DCLRE1C: variants seen among roughly 807,000 people sequenced by gnomAD.
DCLRE1C encodes the protein protein artemis.
DCLRE1C carries 47 observed loss-of-function variants against 61.4 expected under a neutral mutation model. That is an observed-to-expected ratio of 0.77 (90% CI 0.61 to 0.98). The LOEUF is 0.98. Among genes scored for constraint, DCLRE1C ranks in the 50% least tolerant of loss-of-function variants. The pLI is 0.00. For missense variants in DCLRE1C, 858 were observed against 816.0 expected, an observed-to-expected ratio of 1.05 and a Z score of -0.63; for synonymous variants, 337 against 287.6, an observed-to-expected ratio of 1.17 and a Z score of -1.74.
At chr10:14,924,803 C>T (rs908311719) in intron 11 of DCLRE1C, among the ~76,000 whole-genome samples, 21 of 151,666 alleles carry the variant, frequency 1.4e-4, no homozygotes, top group South Asian at 8.3e-4. Flanking sequence ...GCCGAGATCA[C>T]GCCACTGCAC....
At chr10:14,897,601 T>TAAA in exon 14 of DCLRE1C, 2 of 1,150,906 alleles carry the variant, frequency 1.7e-6, no homozygotes, top group Non-Finnish European at 2.3e-6. Context: ...CTTTAAGAGA[T>TAAA]ACTTGGTACA....
intron 4 of DCLRE1C, among the ~76,000 whole-genome samples, chr10:14,938,348 T>G (rs1589094615): frequency 6.6e-6 from 1 of 152,194 alleles, no homozygotes; most frequent in Middle Eastern, 3.4e-3. Flanking sequence ...TTCACCTATT[T>G]TTTTTTTCCT....
chr10:14,952,687 C>T (rs1392107337), intron 1 of DCLRE1C, among the ~76,000 whole-genome samples: 3 of 151,776 alleles, frequency 2.0e-5, no homozygotes, highest in Non-Finnish European at 2.9e-5. Flanking sequence ...CCAGCCTGGG[C>T]GACAAAGGGA....
intron 4 of DCLRE1C, among the ~76,000 whole-genome samples, chr10:14,938,262 T>A (rs1451643525): frequency 6.6e-6 from 1 of 152,162 alleles, no homozygotes; most frequent in African/African-American, 2.4e-5. Flanking sequence ...ATATCCCTGA[T>A]TGTGACAAGG....
chr10:14,944,938 G>C (rs1841451957), intron 3 of DCLRE1C, among the ~76,000 whole-genome samples, 167 bp downstream of exon 3: 1 of 151,896 alleles, frequency 6.6e-6, no homozygotes, highest in Admixed American at 6.6e-5. Flanking sequence ...GCCTCCCAAA[G>C]TGCTGGGATT....
At chr10:14,901,073 C>T, downstream of DCLRE1C, 4 of 1,570,166 alleles carry the variant, frequency 2.5e-6, no homozygotes, top group South Asian at 3.5e-5. Context: ...TTTTATATGG[C>T]ATGTAGAAGG....
intron 4 of DCLRE1C, among the ~76,000 whole-genome samples, chr10:14,939,433 G>C (rs538578537): frequency 2.6e-4 from 26 of 99,566 alleles, no homozygotes; most frequent in Non-Finnish European, 3.6e-4. Context: ...GACGGAGTGA[G>C]ACTCTGTCTC....
rs756747405 is a variant in DCLRE1C at position 14,935,579 on chromosome 10, T to C, written c.363-15A>G. On this transcript the variant is annotated splice_polypyrimidine_tract_variant and intron_variant, in intron 5 of 13. Coordinates refer to ENST00000378278, the MANE Select transcript of DCLRE1C (RefSeq NM_001033855.3). ...GAAATAAAAACCTGAAAAAGAAATA[T>C]ATCCCAGTGACTTCTGAGTCTCATA... 3.1e-6 allele frequency: 5 copies of C among 1,611,094 alleles called. No homozygotes were observed. The highest frequency in any genetic ancestry group is 1.7e-4 in the Middle Eastern group (1 of 6,060).
intron 1 of DCLRE1C, 63 bp from the exon 2 acceptor site, chr10:14,949,150 A>C: frequency 1.7e-6 from 2 of 1,153,742 alleles, no homozygotes; most frequent in Admixed American, 3.6e-5. Flanking sequence ...AGCCCAAGGG[A>C]AACAGTCGTC....
chr10:14,943,700 C>CTAT (rs1841235555), intron 3 of DCLRE1C, among the ~76,000 whole-genome samples: 1 of 152,062 alleles, frequency 6.6e-6, no homozygotes, highest in African/African-American at 2.4e-5. Flanking sequence ...CTACAGGCAC[C>CTAT]GCCACCACAC....
chr10:14,900,046 C>G (rs193296392), downstream of DCLRE1C, among the ~76,000 whole-genome samples: 88 of 152,290 alleles, frequency 5.8e-4, no homozygotes, highest in Admixed American at 1.4e-3. Context: ...TGGAAGTTAA[C>G]ACGACTACAT....
intron 12 of DCLRE1C, 59 bp downstream of exon 12, chr10:14,922,922 G>T: frequency 1.7e-6 from 2 of 1,191,946 alleles, no homozygotes; most frequent in Non-Finnish European, 2.5e-6. Context: ...ACTCTCCTTT[G>T]TGTCCTAGCC....
chr10:14,943,327 G>A (rs41296960), intron 3 of DCLRE1C, among the ~76,000 whole-genome samples: 268 of 150,574 alleles, frequency 1.8e-3, no homozygotes, highest in African/African-American at 6.1e-3. Context: ...TTGCACATAC[G>A]TCCATATGAC....
intron 1 of DCLRE1C, among the ~76,000 whole-genome samples, chr10:14,953,627 G>C (rs764803688): frequency 1.2e-4 from 18 of 152,112 alleles, no homozygotes; most frequent in African/African-American, 1.2e-4. Context: ...TCTGATCATC[G>C]GCCACCAGCA....
rs568179082 is a variant in DCLRE1C at position 14,946,779 on chromosome 10, G to A, written c.162-1590C>T. ...ACTACAGCACATGCCACCACACCTG[G>A]CTCATTTTTCCTATTTTCTGCAGAG... On this transcript the variant is annotated intron_variant, in intron 2 of 13. Coordinates refer to ENST00000378278, the MANE Select transcript of DCLRE1C (RefSeq NM_001033855.3). 2.6e-5 allele frequency among the ~76,000 whole-genome samples: 4 copies of A among 152,070 alleles called. No homozygotes were observed. The South Asian group carries it at 6.2e-4, about 24-fold the overall frequency.
At position 14,949,040 on chromosome 10, in the gene DCLRE1C, A is replaced by C; in HGVS notation, c.157T>G (p.Cys53Gly). Reference protein sequence around the residue: ...RAPTLKRRLECSLKVYLYCSP... With the variant: ...RAPTLKRRLEGSLKVYLYCSP... ...ACAAGTAGCAAAATAAATTACCTGC[A>C]CTCCAACCTTCTTTTCAAGGTAGGG... is the stretch of plus-strand genomic sequence containing the variant. The change falls in exon 2 of 14, where the codon TGC becomes GGC. Residue 53 changes from cysteine (C) to glycine (G), a missense_variant. Cys to Gly is a radical substitution (Grantham distance 159, BLOSUM62 -3). This residue lies in a region of DCLRE1C where 843 missense variants were observed against 783.5 expected (regional missense o/e 1.08). Coordinates refer to ENST00000378278, the MANE Select transcript of DCLRE1C (RefSeq NM_001033855.3). 6.2e-7 allele frequency: 1 copy of C among 1,608,936 alleles called. No homozygotes were observed. The highest frequency in any genetic ancestry group is 8.5e-7 in the Non-Finnish European group (1 of 1,175,660).
chr10:14,913,523 A>G (rs1052422249), intron 13 of DCLRE1C, among the ~76,000 whole-genome samples: 3 of 152,252 alleles, frequency 2.0e-5, no homozygotes, highest in Admixed American at 1.3e-4. Flanking sequence ...GAACATTCCT[A>G]TACCATATTT....
rs41297024 is a variant in DCLRE1C, at chr10:14,935,206, C to A, written c.464+257G>T. On this transcript the variant is annotated intron_variant, in intron 6 of 13. Coordinates refer to ENST00000378278, the MANE Select transcript of DCLRE1C (RefSeq NM_001033855.3). ...AAGAGGCCAGGCACAGTGGCTCATG[C>A]CTGTAATCCCAGCACTTTGGGAGGC... Among the ~76,000 whole-genome samples the A allele has an allele frequency of 4.1e-4, 63 of 152,116 alleles. 1 individual carries two copies. The highest frequency in any genetic ancestry group is 2.5e-3 in the East Asian group (13 of 5,144).
intron 9 of DCLRE1C, among the ~76,000 whole-genome samples, chr10:14,930,961 T>C (rs1838888792): frequency 6.6e-6 from 1 of 152,202 alleles, no homozygotes; most frequent in East Asian, 1.9e-4. Flanking sequence ...CAGAATTCTC[T>C]CTTGTTTGAA....
Sources: gnomAD v4.1 joint callset for allele counts (sites outside exome capture counted in the v4.1 genomes callset) on GRCh38, gnomAD v4.1.1 for gene constraint, gnomAD v4.1.1 regional missense constraint, MANE v1.5 for transcripts, NCBI Gene and HGNC (gene_info 2026-07-23, HGNC 2026-07-21) for gene names.